Variants in STON1 observed in about 807,000 individuals in gnomAD.
The protein encoded by STON1 is stonin-1.
In STON1, 79 loss-of-function variants were observed where a neutral mutation model predicts 60.9. The observed-to-expected ratio is 1.30, with a 90% CI of 1.08 to 1.56. The LOEUF is 1.56. Ranked by LOEUF, STON1 falls within the 40% of genes most tolerant of loss-of-function variation. The pLI is 0.00. For missense variants in STON1, 1,166 were observed against 858.9 expected, an observed-to-expected ratio of 1.36 and a Z score of -4.47; for synonymous variants, 363 against 306.9, an observed-to-expected ratio of 1.18 and a Z score of -1.91.
intron 1 of STON1, among the ~76,000 whole-genome samples, chr2:48,579,946 A>G (rs1673774648): frequency 6.6e-6 from 1 of 152,010 alleles, no homozygotes; most frequent in Non-Finnish European, 1.5e-5. Context: ...TCACTCTGTC[A>G]CCCAGGCTGG....
rs920440326 is a variant in STON1, at chr2:48,597,551, T to A, written c.*2249T>A. On this transcript the variant is annotated 3_prime_UTR_variant, in exon 4 of 4. Transcript: ENST00000404752. ...TCACAGGTTGACTAGTATCTGTGGG[T>A]ACCTCCCTGCCCAGGTTATTCACTC... 6.6e-6 allele frequency: 1 copy of A among 152,410 alleles called. No individual in the cohort carries two copies. Among genetic ancestry groups the A allele is most frequent in the African/African-American group, 2.4e-5 (1 of 41,440 alleles). The allele number at this position is 152,410 out of a possible 1,614,324, so 9.4% of individuals were successfully genotyped here. A position where few individuals can be genotyped will look rare whatever the true frequency, so the allele number is the denominator to read the frequency against.
At chr2:48,555,364 CA>C (rs1672293729) in intron 1 of STON1, among the ~76,000 whole-genome samples, 6 of 49,682 alleles carry the variant, frequency 1.2e-4, no homozygotes, top group African/African-American at 3.0e-4. Flanking sequence ...GCTGGCCGGG[CA>C]GAGGGGCTCC....
chr2:48,566,395 C>T (rs1053451467), intron 1 of STON1, among the ~76,000 whole-genome samples: 3 of 152,018 alleles, frequency 2.0e-5, no homozygotes, highest in African/African-American at 7.3e-5. Flanking sequence ...AGGCTGGTCT[C>T]GATCTTCTGA....
chr2:48,541,069 G>A (rs1671629588), intron 1 of STON1, among the ~76,000 whole-genome samples: 1 of 152,164 alleles, frequency 6.6e-6, no homozygotes, highest in Non-Finnish European at 1.5e-5. Context: ...TTTATTTTGG[G>A]CCGGGCACAG....
At chr2:48,534,268 A>G (rs917823630) in intron 1 of STON1, among the ~76,000 whole-genome samples, 4 of 152,176 alleles carry the variant, frequency 2.6e-5, no homozygotes, top group African/African-American at 7.2e-5. Context: ...AAGCACTTAC[A>G]TATGGTATTT....
intron 1 of STON1, among the ~76,000 whole-genome samples, chr2:48,545,384 C>G (rs910566223): frequency 3.3e-5 from 5 of 152,218 alleles, no homozygotes; most frequent in African/African-American, 9.6e-5. Context: ...GCCAGATGTT[C>G]TGACTTAACT....
chr2:48,531,250 A>G (rs1158008387), intron 1 of STON1: 1 of 152,124 alleles, frequency 6.6e-6, no homozygotes, highest in Non-Finnish European at 1.5e-5. Flanking sequence ...CCAGCCTGGC[A>G]TTCCCGTCTG....
At chr2:48,544,465 C>T (rs761756001) in intron 1 of STON1, among the ~76,000 whole-genome samples, 2 of 152,142 alleles carry the variant, frequency 1.3e-5, no homozygotes, top group Non-Finnish European at 2.9e-5. Flanking sequence ...TATTTTCTTC[C>T]TAGCTTATGG....
At chr2:48,550,364 G>T (rs1024521934) in intron 1 of STON1, among the ~76,000 whole-genome samples, 2 of 151,456 alleles carry the variant, frequency 1.3e-5, no homozygotes, top group African/African-American at 4.9e-5. Flanking sequence ...GGGCATGGTG[G>T]TGCGTGCCTG....
At chr2:48,568,688 T>C (rs1673053121) in intron 1 of STON1, among the ~76,000 whole-genome samples, 1 of 152,120 alleles carries the variant, frequency 6.6e-6, no homozygotes, top group Non-Finnish European at 1.5e-5. Flanking sequence ...GGGCAGGAAA[T>C]AGGGCGAGCT....
intron 1 of STON1, among the ~76,000 whole-genome samples, chr2:48,568,854 A>G (rs898666780): frequency 6.6e-6 from 1 of 152,188 alleles, no homozygotes; most frequent in Non-Finnish European, 1.5e-5. Flanking sequence ...GGCTCTTCTC[A>G]CGTGAGAACA....
chr2:48,595,202 G>T lies in STON1; in HGVS notation c.2134-26G>T, dbSNP rs752731286. On this transcript the variant is annotated intron_variant, in intron 3 of 3. Coordinates refer to ENST00000404752, the MANE Select transcript of STON1 (RefSeq NM_006873.4). ...GTGCTGTGTTGCATTTGTTAATGCT[G>T]CCTGTGTTTTGCTTTTGCATAACAG... is the stretch of plus-strand genomic sequence containing the variant. 4 of 1,580,328 alleles carry T rather than the reference G, an allele frequency of 2.5e-6. No individual in the cohort carries two copies. In the Admixed American group the frequency reaches 6.7e-5, roughly 26 times the overall value.
chr2:48,554,680 C>T (rs1254208972), intron 1 of STON1, among the ~76,000 whole-genome samples: 1 of 150,340 alleles, frequency 6.7e-6, no homozygotes, highest in East Asian at 1.9e-4. Flanking sequence ...CCCACGTATG[C>T]GTTTCTACTC....
At chr2:48,577,162 CTT>C (rs376327493) in intron 1 of STON1, among the ~76,000 whole-genome samples, 22 of 152,150 alleles carry the variant, frequency 1.4e-4, no homozygotes, top group African/African-American at 5.3e-4. Flanking sequence ...TGTGCAGAAA[CTT>C]TTAAGTTTAA....
intron 1 of STON1, among the ~76,000 whole-genome samples, chr2:48,548,517 T>C (rs1467481357): frequency 6.6e-6 from 1 of 152,028 alleles, no homozygotes; most frequent in African/African-American, 2.4e-5. Context: ...TTTTTTTTCT[T>C]GAGACAGGTC....
Position 48,582,331 on chromosome 2 carries a change from C to T in STON1, c.1698C>T (p.Asp566=). ...ATGCTGGTTCCTTAAGGTCCTGTGA[C>T]AATATAAGGATACACTTTCCTGTCC... ...SSYAGSLRSC[D]NIRIHFPVPS... is the part of the protein sequence containing the mutation. The change falls in exon 2 of 4, where the codon GAC becomes GAT. Residue 566 remains aspartate, a synonymous_variant. Transcript: ENST00000404752. 3.1e-6 allele frequency: 5 copies of T among 1,614,130 alleles called. No homozygotes were observed. Among genetic ancestry groups the T allele is most frequent in the Non-Finnish European group, 4.2e-6 (5 of 1,180,030 alleles).
rs1156539666 is a variant in STON1, at chr2:48,580,750, A to G, written c.117A>G (p.Gly39=). 6 of 1,550,798 alleles carry G rather than the reference A, an allele frequency of 3.9e-6. No homozygotes were observed. Among genetic ancestry groups the G allele is most frequent in the African/African-American group, 1.4e-5 (1 of 72,410 alleles). ...LENQGVCRPN[G]LKLNLPGLRE... ...ATCAAGGTGTCTGTAGACCAAATGG[A>G]CTGAAGCTGAACCTTCCTGGCCTCA... Residue 39 remains glycine (G), a synonymous_variant, in exon 2 of 4, where the codon GGA becomes GGG. Transcript: ENST00000404752.
At position 48,582,201 on chromosome 2, in the gene STON1, G is replaced by T. The variant is rs781162927; in HGVS notation, c.1568G>T (p.Gly523Val). 6.2e-7 allele frequency: 1 copy of T among 1,614,168 alleles called. No individual in the cohort carries two copies. Among genetic ancestry groups the T allele is most frequent in the Non-Finnish European group, 8.5e-7 (1 of 1,180,034 alleles). Residue 523 changes from glycine to valine, a missense_variant, in exon 2 of 4, where the codon GGG becomes GTG. Physicochemically the swap from Gly to Val is moderately radical, Grantham distance 109. Coordinates refer to ENST00000404752, the MANE Select transcript of STON1 (RefSeq NM_006873.4). ...ELMRFKTLYN[G>V]DNLPFSLKSV... is the part of the protein sequence containing the mutation. The stretch of plus-strand genomic sequence containing the variant: ...ATGCGTTTCAAGACTTTGTATAATG[G>T]GGATAATCTTCCCTTTTCCTTGAAG...
At chr2:48,583,243 C>T (rs1416182139) in intron 2 of STON1, among the ~76,000 whole-genome samples, 2 of 152,174 alleles carry the variant, frequency 1.3e-5, no homozygotes, top group Admixed American at 6.5e-5. Context: ...TGCATACCAT[C>T]GTGCCTGGCT....
Sources: gnomAD v4.1 joint callset for allele counts (sites outside exome capture counted in the v4.1 genomes callset) on GRCh38, gnomAD v4.1.1 for gene constraint, MANE v1.5 for transcripts, NCBI Gene and HGNC (gene_info 2026-07-23, HGNC 2026-07-21) for gene names.